The following WDR7 variants were observed in gnomAD, a reference collection of about 807,000 sequenced individuals.
WDR7 encodes the protein WD repeat-containing protein 7.
WDR7 carries 46 observed loss-of-function variants against 169.4 expected under a neutral mutation model. That is an observed-to-expected ratio of 0.27 (90% confidence interval 0.21 to 0.35). The LOEUF (loss-of-function observed/expected upper bound fraction) is 0.35. WDR7 is among the 10% of genes least tolerant of loss of function. WDR7 has a pLI of 1.00. For missense variants in WDR7, 1,534 were observed against 1,859.3 expected (o/e 0.83, Z 3.22); for synonymous variants, 612 against 666.8 (o/e 0.92, Z 1.27).
intron 26 of WDR7, among the ~76,000 whole-genome samples, chr18:56,975,999 T>G (rs955966592): frequency 1.3e-5 from 2 of 152,184 alleles, no homozygotes; most frequent in Admixed American, 1.3e-4. Flanking sequence ...GAGAAACCAC[T>G]TGAAGAGTTT....
At chr18:56,763,732 G>A (rs2044018448) in intron 16 of WDR7, among the ~76,000 whole-genome samples, 2 of 152,078 alleles carry the variant, frequency 1.3e-5, no homozygotes. Context: ...TTTATGGGAA[G>A]GTTTTTAACT....
At position 56,957,864 on chromosome 18, in the gene WDR7, G is replaced by A. The variant is rs1015701022; in HGVS notation, c.4065-4566G>A. Among the ~76,000 whole-genome samples, 10 of 152,194 alleles carry A rather than the reference G, an allele frequency of 6.6e-5. No individual in the cohort carries two copies. In the East Asian group the frequency reaches 1.4e-3, roughly 21 times the overall value. ...CTAATGTCCAAGGAAGTGATATACAGCAGTAACTTAACATCCTGAGATCAT... is the reference window on the plus strand; with the variant it reads ...CTAATGTCCAAGGAAGTGATATACAACAGTAACTTAACATCCTGAGATCAT... On this transcript the variant is annotated intron_variant, in intron 25 of 27. Transcript: ENST00000254442.
intron 25 of WDR7, among the ~76,000 whole-genome samples, chr18:56,946,353 T>C (rs577647951): frequency 6.6e-6 from 1 of 152,378 alleles, no homozygotes; most frequent in African/African-American, 2.4e-5. Flanking sequence ...CTCAGTACAT[T>C]GTTTAGTGTC....
At chr18:56,950,805 G>T (rs961921342) in intron 25 of WDR7, among the ~76,000 whole-genome samples, 1 of 152,130 alleles carries the variant, frequency 6.6e-6, no homozygotes, top group African/African-American at 2.4e-5. Context: ...GATTCCAGAA[G>T]GGGACCTCCT....
chr18:56,999,714 C>T (rs547786757), intron 26 of WDR7, among the ~76,000 whole-genome samples: 2 of 152,190 alleles, frequency 1.3e-5, no homozygotes, highest in African/African-American at 2.4e-5. Flanking sequence ...AAATTTAATG[C>T]TCTTACACTA....
At chr18:56,717,509 A>G (rs747874107) in intron 12 of WDR7, among the ~76,000 whole-genome samples, 1 of 152,170 alleles carries the variant, frequency 6.6e-6, no homozygotes, top group Admixed American at 6.5e-5. Context: ...CGGTGAGGGT[A>G]TTGTTTTTGA....
chr18:56,931,189 G>A (rs1374810295), intron 22 of WDR7, among the ~76,000 whole-genome samples: 2 of 152,028 alleles, frequency 1.3e-5, no homozygotes, highest in South Asian at 2.1e-4. Flanking sequence ...CGGGTGATCC[G>A]CATAACAGCC....
intron 26 of WDR7, among the ~76,000 whole-genome samples, chr18:56,974,032 T>C (rs951209010): frequency 1.3e-5 from 2 of 152,224 alleles, no homozygotes; most frequent in Non-Finnish European, 2.9e-5. Context: ...TGTTGGTCCA[T>C]TGTTGTAGTT....
intron 26 of WDR7, among the ~76,000 whole-genome samples, chr18:57,014,344 A>AAG (rs1294049872): frequency 6.7e-6 from 1 of 149,892 alleles, no homozygotes; most frequent in African/African-American, 2.5e-5. Context: ...AAAAAAAAAA[A>AAG]AAGAAGAAAA....
downstream of WDR7, chr18:57,030,743 A>T (rs1030866067): frequency 3.0e-4 from 46 of 152,086 alleles, 1 homozygote; most frequent in African/African-American, 1.0e-3. Context: ...AGAAAAGAAG[A>T]CTCATTTTTA....
rs573068963 is a variant in WDR7 at position 56,902,161 on chromosome 18, C to T, written c.3527-21761C>T. ...CAGTTGGCTTGAGTTGAACAGGCCA[C>T]TCTGCTTCTGGGAAGAGAAGAGTTC... On this transcript the variant is annotated intron_variant, in intron 21 of 27. Coordinates refer to ENST00000254442, the MANE Select transcript of WDR7 (RefSeq NM_015285.3). Among the ~76,000 whole-genome samples, 32 of 152,166 alleles carry T rather than the reference C, an allele frequency of 2.1e-4. 1 individual carries two copies. The highest frequency in any genetic ancestry group is 1.2e-4 in the Non-Finnish European group (8 of 68,040).
At chr18:56,815,537 G>C (rs1291489821) in intron 19 of WDR7, among the ~76,000 whole-genome samples, 3 of 152,144 alleles carry the variant, frequency 2.0e-5, no homozygotes, top group Admixed American at 2.0e-4. Flanking sequence ...CCTTCATAGA[G>C]GGAGATGTTA....
At chr18:57,000,180 A>G (rs1039340371) in intron 26 of WDR7, among the ~76,000 whole-genome samples, 2 of 152,180 alleles carry the variant, frequency 1.3e-5, no homozygotes, top group Non-Finnish European at 2.9e-5. Flanking sequence ...TCCCTTTATG[A>G]AGTAGTTTAA....
At chr18:56,880,813 G>C (rs2046095594) in intron 21 of WDR7, among the ~76,000 whole-genome samples, 1 of 152,104 alleles carries the variant, frequency 6.6e-6, no homozygotes, top group African/African-American at 2.4e-5. Context: ...TTGGTTCTGT[G>C]CTTGGTATGT....
At chr18:56,846,029 T>G (rs944556463) in intron 20 of WDR7, among the ~76,000 whole-genome samples, 1 of 152,198 alleles carries the variant, frequency 6.6e-6, no homozygotes, top group African/African-American at 2.4e-5. Context: ...CGTTCTTTAT[T>G]GAGAGACTAG....
chr18:56,709,298 CTT>C (rs1020078253), intron 12 of WDR7, among the ~76,000 whole-genome samples: 3 of 152,132 alleles, frequency 2.0e-5, no homozygotes, highest in African/African-American at 7.2e-5. Flanking sequence ...AAAAGGGAAA[CTT>C]ATGTTCTTGA....
chr18:56,790,618 C>A (rs537570527), intron 19 of WDR7, among the ~76,000 whole-genome samples: 1 of 152,110 alleles, frequency 6.6e-6, no homozygotes, highest in African/African-American at 2.4e-5. Context: ...AAATATCTTG[C>A]TTAATCCATT....
At chr18:56,906,452 A>G (rs2046477338) in intron 21 of WDR7, among the ~76,000 whole-genome samples, 1 of 152,170 alleles carries the variant, frequency 6.6e-6, no homozygotes, top group Non-Finnish European at 1.5e-5. Flanking sequence ...GGATGAAACA[A>G]GATTAGCCAC....
chr18:56,949,509 T>C (rs919014048), intron 25 of WDR7, among the ~76,000 whole-genome samples: 1 of 152,250 alleles, frequency 6.6e-6, no homozygotes, highest in African/African-American at 2.4e-5. Flanking sequence ...TGTTGCAGTA[T>C]ATTGTTTTGG....
Sources: allele counts gnomAD v4.1 joint callset (sites outside exome capture counted in the v4.1 genomes callset), GRCh38; gene constraint gnomAD v4.1.1; transcripts MANE v1.5; gene names NCBI Gene and HGNC (gene_info 2026-07-23, HGNC 2026-07-21).